The following IL1RAPL1 variants were observed in gnomAD, a reference collection of about 807,000 sequenced individuals.
IL1RAPL1 encodes the protein interleukin-1 receptor accessory protein-like 1.
In IL1RAPL1, 3 loss-of-function variants were observed where a neutral mutation model predicts 48.4. The observed-to-expected ratio is 0.06, with a 90% CI of 0.03 to 0.16. The LOEUF is 0.16. Among genes scored for constraint, IL1RAPL1 ranks in the 10% least tolerant of loss-of-function variants. The pLI, the probability that IL1RAPL1 is intolerant of heterozygous loss-of-function variation, is 1.00. For synonymous variants in IL1RAPL1, 185 were observed against 187.7 expected, an observed-to-expected ratio of 0.99 and a Z score of 0.12; for missense variants, 349 against 530.6, an observed-to-expected ratio of 0.66 and a Z score of 3.36.
chrX:28,727,100 A>G (rs1424576371), intron 1 of IL1RAPL1, among the ~76,000 whole-genome samples: 1 of 111,658 alleles, frequency 9.0e-6, no homozygotes. Flanking sequence ...TGGGGATGGC[A>G]TTGAATCTGT....
At chrX:28,635,796 C>CGT (rs890910027) in intron 1 of IL1RAPL1, among the ~76,000 whole-genome samples, 8 of 110,388 alleles carry the variant, frequency 7.2e-5, no homozygotes, top group South Asian at 3.8e-4. Flanking sequence ...TTTATCATGG[C>CGT]GTGTGTGTGT....
At chrX:29,178,077 A>C (rs1930064370) in intron 2 of IL1RAPL1, among the ~76,000 whole-genome samples, 1 of 111,839 alleles carries the variant, frequency 8.9e-6, no homozygotes, top group East Asian at 2.8e-4. Flanking sequence ...TCTTTATAGT[A>C]GCATGATTTA....
intron 6 of IL1RAPL1, among the ~76,000 whole-genome samples, chrX:29,676,141 T>G (rs1434571440): frequency 9.0e-6 from 1 of 111,688 alleles, no homozygotes; most frequent in Non-Finnish European, 1.9e-5. Context: ...CAACCAGCTT[T>G]CAGTTTCCTA....
At chrX:28,849,934 C>T (rs1921617320) in intron 2 of IL1RAPL1, among the ~76,000 whole-genome samples, 1 of 111,941 alleles carries the variant, frequency 8.9e-6, no homozygotes, top group Admixed American at 9.5e-5. Flanking sequence ...CCTTATTGGA[C>T]TAAGGTCTTA....
intron 5 of IL1RAPL1, among the ~76,000 whole-genome samples, chrX:29,509,526 A>G (rs768753873): frequency 8.9e-6 from 1 of 112,539 alleles, no homozygotes; most frequent in Non-Finnish European, 1.9e-5. Flanking sequence ...AATTGCTACA[A>G]TTGAGAAATG....
At chrX:29,650,491 T>G (rs1424231519) in intron 5 of IL1RAPL1, among the ~76,000 whole-genome samples, 1 of 110,925 alleles carries the variant, frequency 9.0e-6, no homozygotes, top group Non-Finnish European at 1.9e-5. Context: ...CTCATTTTTT[T>G]TTTTTCAAAA....
At chrX:29,129,768 G>C (rs1425610076) in intron 2 of IL1RAPL1, among the ~76,000 whole-genome samples, 1 of 108,246 alleles carries the variant, frequency 9.2e-6, no homozygotes, top group Non-Finnish European at 1.9e-5. Context: ...CTAATTTTTT[G>C]TATTTTTAGT....
chrX:29,595,993 T>C (rs1345578554), intron 5 of IL1RAPL1, among the ~76,000 whole-genome samples: 1 of 111,817 alleles, frequency 8.9e-6, no homozygotes, highest in Non-Finnish European at 1.9e-5. Context: ...AAATAGGGTG[T>C]CCTTTCCCCA....
At chrX:29,902,164 C>T (rs1189673572) in intron 6 of IL1RAPL1, among the ~76,000 whole-genome samples, 1 of 110,596 alleles carries the variant, frequency 9.0e-6, no homozygotes, top group Non-Finnish European at 1.9e-5. Context: ...ATCATTTTCC[C>T]GCATCATTTA....
chrX:29,917,420 G>C (rs375172685), intron 6 of IL1RAPL1, 44 bp from the exon 7 acceptor site: 1 of 1,180,138 alleles, frequency 8.5e-7, no homozygotes. Flanking sequence ...AAATAAGTGT[G>C]AACAAATAGT....
At chrX:28,825,657 A>C (rs1936986763) in intron 2 of IL1RAPL1, among the ~76,000 whole-genome samples, 1 of 111,325 alleles carries the variant, frequency 9.0e-6, no homozygotes, top group African/African-American at 3.3e-5. Flanking sequence ...ATATTTGAGA[A>C]TCTTTAACAT....
At chrX:28,710,439 C>T (rs932853837) in intron 1 of IL1RAPL1, among the ~76,000 whole-genome samples, 1 of 109,944 alleles carries the variant, frequency 9.1e-6, no homozygotes, top group African/African-American at 3.3e-5. Context: ...TAGCAAAGGC[C>T]TGAAAAACAT....
intron 2 of IL1RAPL1, among the ~76,000 whole-genome samples, chrX:28,872,150 G>A (rs1477925642): frequency 1.9e-5 from 2 of 106,550 alleles, no homozygotes; most frequent in Non-Finnish European, 3.8e-5. Flanking sequence ...TGGGACTACA[G>A]GGGGGAAACC....
intron 5 of IL1RAPL1, among the ~76,000 whole-genome samples, chrX:29,409,216 C>T (rs1055758412): frequency 3.6e-5 from 4 of 112,010 alleles, no homozygotes; most frequent in Admixed American, 9.5e-5. Context: ...TGTATGTTTG[C>T]TAACATTCCA....
At chrX:28,894,023 C>G (rs763474785) in intron 2 of IL1RAPL1, among the ~76,000 whole-genome samples, 6 of 111,958 alleles carry the variant, frequency 5.4e-5, no homozygotes, top group African/African-American at 1.9e-4. Context: ...GGATCTGACG[C>G]CTTTTGTTGC....
intron 1 of IL1RAPL1, among the ~76,000 whole-genome samples, chrX:28,595,739 C>A (rs1037158882): frequency 8.9e-6 from 1 of 111,993 alleles, no homozygotes; most frequent in Non-Finnish European, 1.9e-5. Context: ...AACAAAGCTT[C>A]ATGTGGCCAA....
At chrX:29,336,073 T>A (rs745788256) in intron 3 of IL1RAPL1, among the ~76,000 whole-genome samples, 5 of 105,584 alleles carry the variant, frequency 4.7e-5, no homozygotes, top group East Asian at 5.8e-4. Context: ...ATTAAAAAAA[T>A]ATATATGTAT....
chrX:28,744,816 T>C (rs993315421), intron 1 of IL1RAPL1, among the ~76,000 whole-genome samples: 97 of 111,835 alleles, frequency 8.7e-4, no homozygotes, highest in African/African-American at 3.0e-3. Context: ...GTTTATACTT[T>C]GATTTGTGTG....
chrX:28,906,123 A>G (rs892327109), intron 2 of IL1RAPL1, among the ~76,000 whole-genome samples: 1 of 111,917 alleles, frequency 8.9e-6, no homozygotes, highest in Non-Finnish European at 1.9e-5. Flanking sequence ...TGAAGGGGAA[A>G]GAGCCATTTA....
Sources: allele counts gnomAD v4.1 joint callset (sites outside exome capture counted in the v4.1 genomes callset), GRCh38; gene constraint gnomAD v4.1.1; transcripts MANE v1.5; gene names NCBI Gene and HGNC (gene_info 2026-07-23, HGNC 2026-07-21).